Variants in SQLE observed in about 807,000 individuals in gnomAD.
SQLE encodes the protein squalene epoxidase.
A neutral mutation model predicts 60.7 loss-of-function variants in SQLE; 29 were observed. The observed-to-expected ratio is 0.48, with a 90% CI of 0.36 to 0.65. SQLE has a LOEUF of 0.65. Ranked by LOEUF, SQLE falls within the 30% of genes least tolerant of loss-of-function variation. The pLI is 0.00. For synonymous variants in SQLE, 237 were observed against 246.8 expected (o/e 0.96, Z 0.37); for missense variants, 605 against 684.1 (o/e 0.88, Z 1.29).
intron 4 of SQLE, 96 bp downstream of exon 4, chr8:125,007,583 T>C (rs1002747717): frequency 4.2e-6 from 3 of 715,780 alleles, no homozygotes; most frequent in South Asian, 4.4e-5. Flanking sequence ...GGTTTACATG[T>C]TGAGTATCTC....
chr8:125,018,259 G>A, intron 8 of SQLE, 58 bp downstream of exon 8: 1 of 1,561,902 alleles, frequency 6.4e-7, no homozygotes, highest in Non-Finnish European at 8.8e-7. Flanking sequence ...TGGGGGTTAA[G>A]AGCAGTGGGG....
intron 7 of SQLE, among the ~76,000 whole-genome samples, chr8:125,013,794 C>T (rs1033805181): frequency 4.6e-5 from 7 of 152,008 alleles, no homozygotes; most frequent in African/African-American, 1.7e-4. Flanking sequence ...TTCAGTTGTC[C>T]CAGTATCATT....
intron 6 of SQLE, chr8:125,011,244 T>G (rs1234003326): frequency 9.5e-6 from 2 of 209,776 alleles, no homozygotes; most frequent in Non-Finnish European, 1.9e-5. Context: ...TAGGTGGTTT[T>G]CTCCCTGTTT....
intron 7 of SQLE, among the ~76,000 whole-genome samples, chr8:125,013,566 T>C (rs1444885177): frequency 2.0e-5 from 3 of 152,130 alleles, no homozygotes. Context: ...TTGGCCAGGC[T>C]GGTCTCAAAC....
chr8:125,015,843 A>G (rs1356071307), intron 7 of SQLE, among the ~76,000 whole-genome samples: 1 of 152,134 alleles, frequency 6.6e-6, no homozygotes, highest in East Asian at 1.9e-4. Flanking sequence ...TTTCTCCTTC[A>G]TGTTTGAAGG....
chr8:125,007,980 G>C (rs913300485), intron 4 of SQLE, among the ~76,000 whole-genome samples: 1 of 152,144 alleles, frequency 6.6e-6, no homozygotes, highest in African/African-American at 2.4e-5. Context: ...GGGGAAAGAA[G>C]GCAAGATTCA....
chr8:125,008,312 C>T (rs1468797525), intron 4 of SQLE, among the ~76,000 whole-genome samples: 3 of 152,192 alleles, frequency 2.0e-5, no homozygotes, highest in African/African-American at 7.2e-5. Flanking sequence ...TGCTCTTGAA[C>T]TTCCAGCCTC....
At chr8:125,001,323 C>T (rs1299854700) in intron 1 of SQLE, among the ~76,000 whole-genome samples, 1 of 151,944 alleles carries the variant, frequency 6.6e-6, no homozygotes, top group Non-Finnish European at 1.5e-5. Flanking sequence ...CCCAGGCTTT[C>T]TCTTTATTTT....
Position 125,005,616 on chromosome 8 carries a change from G to A in SQLE, c.636G>A (p.Leu212=), listed in dbSNP as rs567735410. ...SKSEVQIPYP[L]SENNQVQSGR... is the part of the protein sequence containing the mutation. ...CAGAGGTTCAGATTCCTTACCCTCT[G>A]TCAGAAAACAATCAAGTGCAGAGTG... Residue 212 remains leucine (L), a synonymous_variant, in exon 3 of 11, where the codon CTG becomes CTA. Transcript: ENST00000265896. 23 of 1,612,298 alleles carry A rather than the reference G, an allele frequency of 1.4e-5. No homozygotes were observed. Among genetic ancestry groups the A allele is most frequent in the Non-Finnish European group, 7.6e-6 (9 of 1,178,814 alleles).
intron 3 of SQLE, among the ~76,000 whole-genome samples, chr8:125,006,998 C>T (rs1218262373): frequency 3.9e-5 from 6 of 152,280 alleles, no homozygotes; most frequent in Non-Finnish European, 7.3e-5. Context: ...CCACCGTGCC[C>T]TGCCAGAAAT....
intron 6 of SQLE, chr8:125,011,324 G>C (rs1371023354): frequency 2.6e-6 from 1 of 377,484 alleles, no homozygotes; most frequent in Non-Finnish European, 4.7e-6. Flanking sequence ...TGTTCTCTTA[G>C]ATTCCTTAGT....
chr8:125,015,895 T>C lies in SQLE; in HGVS notation c.1205-2164T>C, dbSNP rs538449901. On this transcript the variant is annotated intron_variant, in intron 7 of 10. Transcript: ENST00000265896. ...TACTATTGTAGCATAAAAGTTCTTT[T>C]CCTTCAGCACTTTCAGTGTGTCTTG... 1.0e-4 allele frequency among the ~76,000 whole-genome samples: 15 copies of C among 150,578 alleles called. No homozygotes were observed. The East Asian group carries it at 2.8e-3, about 28-fold the overall frequency.
chr8:125,003,133 T>G (rs1814886048), intron 1 of SQLE, 43 bp from the exon 2 acceptor site: 2 of 1,533,144 alleles, frequency 1.3e-6, no homozygotes, highest in Non-Finnish European at 1.8e-6. Context: ...GATTTGAATC[T>G]AACAAATTTG....
At chr8:125,007,856 A>G (rs1814979076) in intron 4 of SQLE, among the ~76,000 whole-genome samples, 1 of 152,202 alleles carries the variant, frequency 6.6e-6, no homozygotes, top group South Asian at 2.1e-4. Context: ...ATTGCAACAC[A>G]TTGTTCTTTA....
chr8:125,014,460 G>C (rs75311726), intron 7 of SQLE, among the ~76,000 whole-genome samples: 4,495 of 151,848 alleles, frequency 0.03, 125 homozygotes, highest in South Asian at 0.16. Context: ...TTTGGGGTTT[G>C]GTTTGCTCTT....
At chr8:125,006,331 GAAA>G (rs892219482) in intron 3 of SQLE, among the ~76,000 whole-genome samples, 3 of 152,214 alleles carry the variant, frequency 2.0e-5, no homozygotes, top group African/African-American at 7.2e-5. Context: ...TATGAAAATG[GAAA>G]AATCGGCCAG....
intron 2 of SQLE, among the ~76,000 whole-genome samples, chr8:125,004,838 A>G (rs1322815304): frequency 2.0e-5 from 3 of 151,994 alleles, no homozygotes; most frequent in East Asian, 1.9e-4. Flanking sequence ...GATATTTTCT[A>G]TTGAAAGTTT....
intron 7 of SQLE, among the ~76,000 whole-genome samples, chr8:125,015,118 C>T (rs928868591): frequency 3.3e-5 from 5 of 152,196 alleles, no homozygotes; most frequent in African/African-American, 1.2e-4. Flanking sequence ...GTTACATCCT[C>T]TTGCTGAATT....
intron 4 of SQLE, 137 bp downstream of exon 4, chr8:125,007,624 T>G (rs1814975527): frequency 1.9e-6 from 1 of 524,418 alleles, no homozygotes; most frequent in African/African-American, 1.9e-5. Context: ...CAGAAGTGTT[T>G]CAGATTTTTT....
Sources: gnomAD v4.1 joint callset for allele counts (sites outside exome capture counted in the v4.1 genomes callset) on GRCh38, gnomAD v4.1.1 for gene constraint, MANE v1.5 for transcripts, NCBI Gene and HGNC (gene_info 2026-07-23, HGNC 2026-07-21) for gene names.